The following WNK2 variants were observed in gnomAD, a reference collection of about 807,000 sequenced individuals.
The protein encoded by WNK2 is serine/threonine-protein kinase WNK2.
A neutral mutation model predicts 192.1 loss-of-function variants in WNK2; 67 were observed. The observed-to-expected ratio is 0.35, with a 90% CI of 0.29 to 0.43. WNK2 has a LOEUF of 0.43. Ranked by LOEUF, WNK2 falls within the 20% of genes least tolerant of loss-of-function variation. The probability of loss-of-function intolerance (pLI) is 1.00; values close to 1 mark genes in which losing one functional copy is unlikely to be tolerated. For missense variants in WNK2, 2,698 were observed against 3,089.7 expected (o/e 0.87, Z 3.01); for synonymous variants, 1,439 against 1,393.9 (o/e 1.03, Z -0.72).
chr9:93,302,980 A>G (rs1237522058), intron 26 of WNK2, among the ~76,000 whole-genome samples: 2 of 151,660 alleles, frequency 1.3e-5, no homozygotes, highest in Non-Finnish European at 2.9e-5. Context: ...GTGCAGCGGC[A>G]AGATCTCAGC....
In WNK2 at chr9:93,206,134, G is replaced by A. The variant is rs143821471; in HGVS notation, c.681+20524G>A. 2.5e-3 allele frequency among the ~76,000 whole-genome samples: 388 copies of A among 152,354 alleles called. 2 individuals carry two copies. Among genetic ancestry groups the A allele is most frequent in the African/African-American group, 8.8e-3 (365 of 41,582 alleles). On this transcript the variant is annotated intron_variant, in intron 2 of 29. Transcript: ENST00000427277. ...GTGCCTGAGGGGCATGCGGGGTACA[G>A]GGCATCACTGATGTCTCCTGTCCTC...
chr9:93,298,971 A>T, intron 24 of WNK2, 99 bp from the exon 25 acceptor site: 1 of 1,314,528 alleles, frequency 7.6e-7, no homozygotes, highest in Non-Finnish European at 1.0e-6. Context: ...GAGCTTCCCC[A>T]AGGTCACCCA....
chr9:93,232,106 A>G (rs771458518), intron 4 of WNK2, among the ~76,000 whole-genome samples: 62 of 152,290 alleles, frequency 4.1e-4, no homozygotes, highest in South Asian at 6.2e-4. Flanking sequence ...CATGCCCCCA[A>G]TGTGAGGGCA....
chr9:93,214,875 G>A (rs923201573), intron 2 of WNK2, among the ~76,000 whole-genome samples: 3 of 150,990 alleles, frequency 2.0e-5, no homozygotes, highest in African/African-American at 4.9e-5. Flanking sequence ...AAATGTGGTG[G>A]CATTATTATT....
chr9:93,266,064 T>C lies in WNK2; in HGVS notation c.3697-1682T>C, dbSNP rs574566188. On this transcript the variant is annotated intron_variant, in intron 16 of 29. Coordinates refer to ENST00000427277, the MANE Select transcript of WNK2 (RefSeq NM_006648.4). Reference sequence around the variant, plus strand: ...GTAAGCATGCTACAGATATACAAATTTGGTCCATAAAAACAGCCCAGCAGC... The same window carrying C: ...GTAAGCATGCTACAGATATACAAATCTGGTCCATAAAAACAGCCCAGCAGC... Among the ~76,000 whole-genome samples, 4 of 152,312 alleles carry C rather than the reference T, an allele frequency of 2.6e-5. No individual in the cohort carries two copies. In the East Asian group the frequency reaches 7.7e-4, roughly 29 times the overall value.
At position 93,259,486 on chromosome 9, in the gene WNK2, C is replaced by G. The variant is rs10121188; in HGVS notation, c.2938C>G (p.Leu980Val). The G allele has an allele frequency of 1.2e-5, 18 of 1,500,856 alleles. No individual in the cohort carries two copies. Among genetic ancestry groups the G allele is most frequent in the Non-Finnish European group, 1.5e-5 (17 of 1,128,946 alleles). The allele number at this position is 1,500,856 out of a possible 1,614,324, so 93.0% of individuals were successfully genotyped here. A position where few individuals can be genotyped will look rare whatever the true frequency, so the allele number is the denominator to read the frequency against. The stretch of plus-strand genomic sequence containing the variant: ...ACCCACACGGCCCCCTCAACCTGTG[C>G]TGCCCCCGCAACCCATGCTGCCCCC... The part of the protein sequence containing the change: ...PQPTRPPQPV[L>V]PPQPMLPPQP... The change falls in exon 12 of 30, where the codon CTG becomes GTG. Residue 980 changes from leucine to valine, a missense_variant. Around this residue, in one of 7 missense-constraint regions of WNK2, gnomAD observed 893 missense variants for 909.0 expected, o/e 0.98. Transcript: ENST00000427277. The surrounding 1 kb of genome is among the most constrained non-coding windows in gnomAD (Gnocchi z 4.8).
chr9:93,214,372 C>T (rs1401293429), intron 2 of WNK2, among the ~76,000 whole-genome samples: 2 of 151,852 alleles, frequency 1.3e-5, no homozygotes, highest in African/African-American at 2.4e-5. Flanking sequence ...GGCATGATCT[C>T]GGCTCACAGC....
intron 16 of WNK2, among the ~76,000 whole-genome samples, chr9:93,265,006 G>A (rs1844925900): frequency 6.6e-6 from 1 of 152,228 alleles, no homozygotes; most frequent in African/African-American, 2.4e-5. Context: ...TTTGCAGGGG[G>A]AAGCCCCTGG....
chr9:93,308,850 C>T (rs1853107802), intron 28 of WNK2: 1 of 1,358,370 alleles, frequency 7.4e-7, no homozygotes, highest in Non-Finnish European at 9.5e-7. Flanking sequence ...AGCTCAGATA[C>T]AGCAGCAGCC....
At position 93,247,936 on chromosome 9, in the gene WNK2, A is replaced by G. The variant is rs1842011563; in HGVS notation, c.1834+102A>G. On this transcript the variant is annotated intron_variant, in intron 8 of 29. Coordinates refer to ENST00000427277, the MANE Select transcript of WNK2 (RefSeq NM_006648.4). This position sits in a 1 kb window ranked among gnomAD's most constrained non-coding sequence, Gnocchi z 5.2. ...AATGAAGTCCTCTCCCTTTATTGGA[A>G]TGCTTTGTGAGGAAGGGGGTCCGCA... 2.3e-6 allele frequency: 3 copies of G among 1,319,792 alleles called. No homozygotes were observed. Among genetic ancestry groups the G allele is most frequent in the Admixed American group, 4.7e-5 (2 of 42,452 alleles). 81.8% of individuals were successfully genotyped at this position (1,319,792 alleles called of 1,614,324 possible). A position where few individuals can be genotyped will look rare whatever the true frequency, so the allele number is the denominator to read the frequency against.
chr9:93,270,630 G>C (rs1378532678), intron 19 of WNK2, among the ~76,000 whole-genome samples: 1 of 152,188 alleles, frequency 6.6e-6, no homozygotes, highest in African/African-American at 2.4e-5. Flanking sequence ...GTGCAGGCAG[G>C]AAAGCCTCCA....
chr9:93,196,433 C>G (rs927485342), intron 2 of WNK2, among the ~76,000 whole-genome samples: 1 of 152,160 alleles, frequency 6.6e-6, no homozygotes, highest in Non-Finnish European at 1.5e-5. Flanking sequence ...GGGGTTTTCT[C>G]TCTGTTTCTT....
At chr9:93,186,095 A>G (rs1315527696) in intron 2 of WNK2, among the ~76,000 whole-genome samples, 2 of 152,136 alleles carry the variant, frequency 1.3e-5, no homozygotes, top group Non-Finnish European at 2.9e-5. Context: ...TCCTGTGTCC[A>G]GCAAGCCGTG....
chr9:93,262,575 G>T, intron 13 of WNK2, 95 bp from the exon 14 acceptor site: 1 of 1,356,780 alleles, frequency 7.4e-7, no homozygotes, highest in Non-Finnish European at 1.0e-6. Context: ...CTGGGCTGAG[G>T]AAGTGGGGAG....
At chr9:93,202,364 G>GTGTATGTA (rs3079714) in intron 2 of WNK2, among the ~76,000 whole-genome samples, 1 of 146,078 alleles carries the variant, frequency 6.8e-6, no homozygotes, top group Non-Finnish European at 1.5e-5. Flanking sequence ...GTGTGTGTGT[G>GTGTATGTA]TGTATGTCTC....
intron 2 of WNK2, among the ~76,000 whole-genome samples, chr9:93,208,628 T>G (rs1308279001): frequency 2.3e-5 from 2 of 87,574 alleles, no homozygotes; most frequent in African/African-American, 1.0e-4. Flanking sequence ...CATGTACGTG[T>G]TCTCCATGTG....
rs906178279 is a variant in WNK2, at chr9:93,317,157, G to A, written c.6517-363G>A. ...CTGGGTGGTTCATGCTCCTGTGAGG[G>A]CACTGACCAGCCAAGCAGGAGGGCT... On this transcript the variant is annotated intron_variant, in intron 28 of 29. Transcript: ENST00000427277. 1.6e-5 allele frequency: 6 copies of A among 374,992 alleles called. 1 individual carries two copies. The South Asian group carries it at 1.6e-4, about 10-fold the overall frequency. 23.2% of individuals were successfully genotyped at this position (374,992 alleles called of 1,614,324 possible). A position where few individuals can be genotyped will look rare whatever the true frequency, so the allele number is the denominator to read the frequency against.
chr9:93,209,481 C>T (rs771430025), intron 2 of WNK2, among the ~76,000 whole-genome samples: 29 of 152,220 alleles, frequency 1.9e-4, no homozygotes, highest in Non-Finnish European at 3.1e-4. Context: ...CTCTCCCTCA[C>T]GTCCAAGACC....
At position 93,258,850 on chromosome 9, in the gene WNK2, T is replaced by C. The variant is rs903219863; in HGVS notation, c.2383-81T>C. ...CCCGTGTCCCCTCGTCCCCAATGAC[T>C]GTGGCTGTCCTTGCATGCAAGTGCT... On this transcript the variant is annotated intron_variant, in intron 11 of 29. Coordinates refer to ENST00000427277, the MANE Select transcript of WNK2 (RefSeq NM_006648.4). The C allele has an allele frequency of 4.7e-6, 6 of 1,281,196 alleles. No individual in the cohort carries two copies. In the South Asian group the frequency reaches 6.7e-5, roughly 14 times the overall value. The allele number at this position is 1,281,196 out of a possible 1,614,324, so 79.4% of individuals were successfully genotyped here. A position where few individuals can be genotyped will look rare whatever the true frequency, so the allele number is the denominator to read the frequency against.
Sources: gnomAD v4.1 joint callset for allele counts (sites outside exome capture counted in the v4.1 genomes callset) on GRCh38, gnomAD v4.1.1 for gene constraint, gnomAD v4.1.1 regional missense constraint, Gnocchi (gnomAD v3.1) non-coding constraint, MANE v1.5 for transcripts, NCBI Gene and HGNC (gene_info 2026-07-23, HGNC 2026-07-21) for gene names.